SPTAN1: variants seen among roughly 807,000 people sequenced by gnomAD.
The protein encoded by SPTAN1 is spectrin alpha chain, non-erythrocytic 1.
In SPTAN1, 61 loss-of-function variants were observed where a neutral mutation model predicts 331.3. That is an observed-to-expected ratio of 0.18 (90% CI 0.15 to 0.23). SPTAN1 has a LOEUF of 0.23. Among genes scored for constraint, SPTAN1 ranks in the 10% least tolerant of loss-of-function variants. The pLI, the probability that SPTAN1 is intolerant of heterozygous loss-of-function variation, is 1.00. For synonymous variants in SPTAN1, 1,153 were observed against 1,173.9 expected (o/e 0.98, Z 0.36); for missense variants, 2,043 against 3,147.9 (o/e 0.65, Z 8.40).
At position 128,632,881 on chromosome 9, in the gene SPTAN1, G is replaced by A. The variant is rs1336849921; in HGVS notation, c.7234G>A (p.Glu2412Lys). ...SRETENVKSSEEIESAFRALS... is the reference protein window; with the variant it reads ...SRETENVKSSKEIESAFRALS... ...CGAAACTGAGAACGTCAAGTCCAGC[G>A]AGGAGATTGAGAGCGCCTTCCGGGC... is the stretch of plus-strand genomic sequence containing the variant. Residue 2412 changes from glutamate to lysine, a missense_variant, in exon 56 of 57, where the codon GAG (glutamate) becomes AAG (lysine). By Grantham distance (56) the Glu-to-Lys change is moderately conservative (BLOSUM62 1). Around this residue, in one of 12 missense-constraint regions of SPTAN1, gnomAD observed 88 missense variants for 96.5 expected, o/e 0.91. Transcript: ENST00000372739. 7 of 1,613,934 alleles carry A rather than the reference G, an allele frequency of 4.3e-6. No individual in the cohort carries two copies. The highest frequency in any genetic ancestry group is 5.1e-6 in the Non-Finnish European group (6 of 1,180,054).
rs1307009958 is a variant in SPTAN1, at chr9:128,585,891, G to A, written c.2704G>A (p.Ala902Thr). 6.2e-7 allele frequency: 1 copy of A among 1,614,004 alleles called. No homozygotes were observed. The part of the protein sequence containing the change: ...AQQYFADANE[A>T]ESWMREKEPI... ...GCAGTACTTTGCTGATGCTAACGAG[G>A]CTGAATCCTGGATGCGGGAGAAGGA... Residue 902 changes from alanine (A) to threonine (T), a missense_variant, in exon 19 of 57, where the codon GCT (alanine) becomes ACT (threonine). By Grantham distance (58) the Ala-to-Thr change is moderately conservative. This residue lies in a region of SPTAN1 where 1,038 missense variants were observed against 1,531.5 expected (regional missense o/e 0.68). Transcript: ENST00000372739.
In SPTAN1 at chr9:128,598,987, G is replaced by A; in HGVS notation, c.3543+1G>A. On this transcript the variant is annotated splice_donor_variant, in intron 26 of 56. Coordinates refer to ENST00000372739, the MANE Select transcript of SPTAN1 (RefSeq NM_001130438.3). LOFTEE classifies it high-confidence loss of function. ...GGAAGTGTATGGCATGATGCCCAGG[G>A]TAAGTTTCGGGTGCTGTGTGTGGAT... 6.2e-7 allele frequency: 1 copy of A among 1,613,938 alleles called. No homozygotes were observed. Among genetic ancestry groups the A allele is most frequent in the Non-Finnish European group, 8.5e-7 (1 of 1,179,832 alleles).
chr9:128,628,134 C>T (rs756058913), intron 51 of SPTAN1, 192 bp downstream of exon 51: 10 of 799,482 alleles, frequency 1.3e-5, no homozygotes, highest in East Asian at 7.5e-5. Context: ...CCCTGGTCCC[C>T]GATAGAGCCT....
intron 24 of SPTAN1, 119 bp downstream of exon 24, chr9:128,594,492 A>T: frequency 6.1e-6 from 6 of 985,776 alleles, no homozygotes; most frequent in Admixed American, 2.6e-5. Flanking sequence ...GTGCAGTGGT[A>T]TGACTTCGGC....
chr9:128,591,465 T>G lies in SPTAN1; in HGVS notation c.3007-12T>G, dbSNP rs1451291431. On this transcript the variant is annotated splice_polypyrimidine_tract_variant and intron_variant, in intron 21 of 56. Transcript: ENST00000372739. Reference sequence around the variant, plus strand: ...AGGAATTTACTTTCAGTTCTCCCTCTTTTTTCCTTAGGATTGGTGGAAAGT... The same window carrying G: ...AGGAATTTACTTTCAGTTCTCCCTCGTTTTTCCTTAGGATTGGTGGAAAGT... 3 of 1,613,728 alleles carry G rather than the reference T, an allele frequency of 1.9e-6. No homozygotes were observed.
chr9:128,584,341 T>C lies in SPTAN1; in HGVS notation c.2253T>C (p.Asp751=). Residue 751 remains aspartate, a synonymous_variant, in exon 17 of 57, where the codon GAT becomes GAC. Coordinates refer to ENST00000372739, the MANE Select transcript of SPTAN1 (RefSeq NM_001130438.3). ...ARQFQDAGHF[D]AENIKKKQEA... Reference sequence around the variant, plus strand: ...AGTTCCAAGATGCTGGCCATTTTGATGCAGAAAACATCAAGAAGAAACAGG... The same window carrying C: ...AGTTCCAAGATGCTGGCCATTTTGACGCAGAAAACATCAAGAAGAAACAGG... 6.2e-7 allele frequency: 1 copy of C among 1,614,218 alleles called. No homozygotes were observed. The highest frequency in any genetic ancestry group is 2.2e-5 in the East Asian group (1 of 44,890).
chr9:128,633,426 C>A lies in SPTAN1; in HGVS notation c.*92C>A. The A allele has an allele frequency of 6.3e-7, 1 of 1,591,882 alleles. No individual in the cohort carries two copies. The highest frequency in any genetic ancestry group is 2.2e-5 in the East Asian group (1 of 44,800). On this transcript the variant is annotated 3_prime_UTR_variant, in exon 57 of 57. Coordinates refer to ENST00000372739, the MANE Select transcript of SPTAN1 (RefSeq NM_001130438.3). The stretch of plus-strand genomic sequence containing the variant: ...TGTGTGCTCTCACTTTCCACTGTAA[C>A]CTTAAGCCTGCTTAGCTTGGAATAA...
intron 44 of SPTAN1, 101 bp downstream of exon 44, chr9:128,619,104 G>A: frequency 1.9e-6 from 3 of 1,547,398 alleles, no homozygotes; most frequent in Non-Finnish European, 2.7e-6. Context: ...CTCTTACTAG[G>A]AGAGCACACA....
At chr9:128,553,528 G>A (rs1379098792) in intron 1 of SPTAN1, 3 of 152,204 alleles carry the variant, frequency 2.0e-5, no homozygotes, top group African/African-American at 4.8e-5. Context: ...TTGTTTGAAA[G>A]CTGTCCCTGA....
At position 128,584,289 on chromosome 9, in the gene SPTAN1, T is replaced by C. The variant is rs1214164128; in HGVS notation, c.2201T>C (p.Ile734Thr). 2 of 1,614,214 alleles carry C rather than the reference T, an allele frequency of 1.2e-6. No individual in the cohort carries two copies. Among genetic ancestry groups the C allele is most frequent in the Non-Finnish European group, 8.5e-7 (1 of 1,180,030 alleles). ...EADVAAHQDRIDGITIQARQF... is the reference protein window; with the variant it reads ...EADVAAHQDRTDGITIQARQF... ...GTCCTTTTGCATTCCCAGGACCGAA[T>C]TGATGGCATCACCATTCAGGCCCGC... Residue 734 changes from isoleucine to threonine, a missense_variant, in exon 17 of 57, where the codon ATT (isoleucine) becomes ACT (threonine). Ile to Thr is a moderately conservative substitution (Grantham distance 89). Around this residue, in one of 12 missense-constraint regions of SPTAN1, gnomAD observed 1,038 missense variants for 1,531.5 expected, o/e 0.68. Coordinates refer to ENST00000372739, the MANE Select transcript of SPTAN1 (RefSeq NM_001130438.3).
chr9:128,581,168 T>C, intron 11 of SPTAN1, 109 bp downstream of exon 11: 1 of 1,448,398 alleles, frequency 6.9e-7, no homozygotes, highest in South Asian at 1.2e-5. Flanking sequence ...ATGTTAGTTC[T>C]GAATCCATTG....
rs1859010792 is a variant in SPTAN1, at chr9:128,627,872, CTGT to C, written c.6690-49_6690-47del. ...CTTCTCTCTGTCCCCCCGATTGCTG[CTGT>C]TGTCCGGACACCACCTTGTCTCCCG... On this transcript the variant is annotated intron_variant, in intron 50 of 56. Coordinates refer to ENST00000372739, the MANE Select transcript of SPTAN1 (RefSeq NM_001130438.3). This position sits in a 1 kb window ranked among gnomAD's most constrained non-coding sequence, Gnocchi z 4.9. The C allele has an allele frequency of 1.9e-6, 3 of 1,608,154 alleles. No homozygotes were observed. The highest frequency in any genetic ancestry group is 3.3e-5 in the Admixed American group (2 of 60,024).
intron 10 of SPTAN1, among the ~76,000 whole-genome samples, chr9:128,580,517 T>C (rs1385985381): frequency 2.0e-5 from 3 of 152,110 alleles, no homozygotes; most frequent in Non-Finnish European, 4.4e-5. Context: ...GCCTAAAGTC[T>C]AGGGAGTTTC....
At chr9:128,556,288 C>A (rs149176069) in intron 1 of SPTAN1, among the ~76,000 whole-genome samples, 3 of 150,968 alleles carry the variant, frequency 2.0e-5, no homozygotes, top group Non-Finnish European at 2.9e-5. Context: ...TTTTCTAAGT[C>A]GGACCTTTTT....
chr9:128,619,298 G>A (rs1857561089), intron 44 of SPTAN1, among the ~76,000 whole-genome samples: 1 of 152,202 alleles, frequency 6.6e-6, no homozygotes, highest in South Asian at 2.1e-4. Flanking sequence ...CCATAAATAA[G>A]TACCACAAAC....
chr9:128,575,448 G>C, intron 5 of SPTAN1, 103 bp downstream of exon 5: 1 of 1,320,658 alleles, frequency 7.6e-7, no homozygotes, highest in Non-Finnish European at 1.1e-6. Context: ...TTCTGAGTGA[G>C]CAAGTTTTTG....
chr9:128,628,163 TC>T, intron 51 of SPTAN1: 1 of 724,348 alleles, frequency 1.4e-6, no homozygotes. Context: ...GGGGGAGCCG[TC>T]CTTGCCTCAC....
chr9:128,579,616 CTTTG>C lies in SPTAN1; in HGVS notation c.1222-17_1222-14del. The C allele has an allele frequency of 6.3e-7, 1 of 1,594,014 alleles. No homozygotes were observed. Among genetic ancestry groups the C allele is most frequent in the Admixed American group, 1.7e-5 (1 of 59,978 alleles). On this transcript the variant is annotated splice_polypyrimidine_tract_variant and intron_variant, in intron 9 of 56. Coordinates refer to ENST00000372739, the MANE Select transcript of SPTAN1 (RefSeq NM_001130438.3). Reference sequence around the variant, plus strand: ...GTAAGATGCTGGGCACAAATCATGGCTTTGTTTTTTTCTCCTGTAGGGTGAAATT... The same window carrying C: ...GTAAGATGCTGGGCACAAATCATGGCTTTTTTTCTCCTGTAGGGTGAAATT...
At chr9:128,583,620 G>A (rs1211905234) in intron 15 of SPTAN1, among the ~76,000 whole-genome samples, 168 bp from the exon 16 acceptor site, 1 of 152,156 alleles carries the variant, frequency 6.6e-6, no homozygotes, top group Admixed American at 6.5e-5. Flanking sequence ...TCAACCTTGA[G>A]AAGGTAGAGC....
Sources: gnomAD v4.1 joint callset for allele counts (sites outside exome capture counted in the v4.1 genomes callset) on GRCh38, gnomAD v4.1.1 for gene constraint, gnomAD v4.1.1 regional missense constraint, Gnocchi (gnomAD v3.1) non-coding constraint, MANE v1.5 for transcripts, NCBI Gene and HGNC (gene_info 2026-07-23, HGNC 2026-07-21) for gene names.